ADGRL2: variants seen among roughly 807,000 people sequenced by gnomAD.
ADGRL2 encodes the protein adhesion G protein-coupled receptor L2, also known as calcium-independent alpha-latrotoxin receptor 2.
ADGRL2 carries 44 observed loss-of-function variants against 157.4 expected under a neutral mutation model. The ratio of observed to expected loss-of-function variants is 0.28; its 90% confidence interval spans 0.22 to 0.36. The LOEUF is 0.36. Ranked by LOEUF, ADGRL2 falls within the 10% of genes least tolerant of loss-of-function variation. ADGRL2 has a pLI of 1.00. For missense variants in ADGRL2, 1,510 were observed against 1,768.9 expected, an observed-to-expected ratio of 0.85 and a Z score of 2.63; for synonymous variants, 585 against 624.7, an observed-to-expected ratio of 0.94 and a Z score of 0.95.
At position 81,984,611 on chromosome 1, in the gene ADGRL2, G is replaced by A. The variant is rs756300847; in HGVS notation, c.3311G>A (p.Arg1104Lys). The change falls in exon 20 of 24, where the codon AGA becomes AAA. Residue 1104 changes from arginine to lysine, a missense_variant. By Grantham distance (26) the Arg-to-Lys change is conservative. Around this residue, in one of 4 missense-constraint regions of ADGRL2, gnomAD observed 497 missense variants for 627.2 expected, o/e 0.79. Transcript: ENST00000686636. ...CGAAAAGAATATGGCAAGTGCTTCA[G>A]ACACTCATACTGCTGTGGAGGCCTC... is the stretch of plus-strand genomic sequence containing the variant. ...KVRKEYGKCF[R>K]HSYCCGGLPT... 3 of 1,611,506 alleles carry A rather than the reference G, an allele frequency of 1.9e-6. No homozygotes were observed. In the Admixed American group the frequency reaches 5.0e-5, roughly 27 times the overall value.
chr1:81,346,295 T>C (rs1207510077), intron 1 of ADGRL2, among the ~76,000 whole-genome samples: 1 of 152,192 alleles, frequency 6.6e-6, no homozygotes. Context: ...CTATAATCCT[T>C]TGGGCTACTG....
chr1:81,954,459 T>C (rs1326391889), intron 10 of ADGRL2, among the ~76,000 whole-genome samples: 4 of 152,148 alleles, frequency 2.6e-5, no homozygotes, highest in African/African-American at 9.7e-5. Context: ...TAAAACTCTT[T>C]AAATTACAAA....
intron 2 of ADGRL2, chr1:81,557,546 GAA>G (rs1261867374): frequency 6.7e-6 from 1 of 150,106 alleles, no homozygotes; most frequent in Non-Finnish European, 1.5e-5. Flanking sequence ...AAGAAAGCAA[GAA>G]AAAGAAAGAA....
chr1:81,714,451 C>A (rs1347309623), intron 1 of ADGRL2, among the ~76,000 whole-genome samples: 2 of 152,070 alleles, frequency 1.3e-5, no homozygotes, highest in Non-Finnish European at 2.9e-5. Context: ...TCACCTCAAG[C>A]AATCTTTTAT....
chr1:81,894,926 A>G (rs1366907322), intron 2 of ADGRL2, among the ~76,000 whole-genome samples: 1 of 152,194 alleles, frequency 6.6e-6, no homozygotes, highest in Non-Finnish European at 1.5e-5. Flanking sequence ...AAAAGGTTAC[A>G]TGGCTGATAC....
chr1:81,475,615 T>G (rs1275029145), intron 2 of ADGRL2, among the ~76,000 whole-genome samples: 1 of 152,136 alleles, frequency 6.6e-6, no homozygotes, highest in Non-Finnish European at 1.5e-5. Context: ...ATTTTGTAAA[T>G]GGGTTCATCT....
chr1:81,796,559 G>A (rs2087598086), upstream of ADGRL2, among the ~76,000 whole-genome samples: 1 of 152,118 alleles, frequency 6.6e-6, no homozygotes, highest in South Asian at 2.1e-4. Flanking sequence ...CAATAATTAT[G>A]AAGAATATCG....
intron 1 of ADGRL2, among the ~76,000 whole-genome samples, chr1:81,809,418 T>TA (rs1056136804): frequency 6.6e-6 from 1 of 151,944 alleles, no homozygotes. Flanking sequence ...TTAAATCTGA[T>TA]AAAAAAAGAG....
chr1:81,834,415 C>T (rs1020233140), intron 1 of ADGRL2, among the ~76,000 whole-genome samples: 6 of 152,050 alleles, frequency 3.9e-5, no homozygotes, highest in African/African-American at 1.4e-4. Context: ...TTATCTATGC[C>T]AGTGGTTTGG....
chr1:81,344,032 C>T lies in ADGRL2; in HGVS notation c.-302+37523C>T, dbSNP rs1362370420. ...TGTCAATAATCTGGTTTATGGATTT[C>T]GTAGTAGATTGACATGTGGTCATTA... On this transcript the variant is annotated intron_variant, in intron 1 of 24. Coordinates refer to the ADGRL2 transcript ENST00000370721. Among the ~76,000 whole-genome samples the T allele has an allele frequency of 6.6e-5, 10 of 152,122 alleles. No individual in the cohort carries two copies. In the East Asian group the frequency reaches 1.6e-3, roughly 24 times the overall value.
intron 1 of ADGRL2, among the ~76,000 whole-genome samples, chr1:81,401,550 T>C (rs1240758367): frequency 1.3e-5 from 2 of 152,198 alleles, no homozygotes; most frequent in East Asian, 3.9e-4. Flanking sequence ...TTAGTTATTG[T>C]ATTAAAATAT....
intron 2 of ADGRL2, among the ~76,000 whole-genome samples, chr1:81,860,287 C>G (rs2093349263): frequency 6.6e-6 from 1 of 152,080 alleles, no homozygotes; most frequent in Non-Finnish European, 1.5e-5. Context: ...GACTAAATAA[C>G]AGGTAATTCC....
intron 1 of ADGRL2, among the ~76,000 whole-genome samples, chr1:81,730,795 T>C (rs1367464452): frequency 2.6e-5 from 4 of 152,182 alleles, no homozygotes; most frequent in African/African-American, 9.6e-5. Context: ...AATATACTTG[T>C]TATAAAATTC....
In ADGRL2 at chr1:81,498,983, A is replaced by T. The variant is rs1327585791; in HGVS notation, c.-248+53894A>T. 3.9e-5 allele frequency among the ~76,000 whole-genome samples: 6 copies of T among 152,232 alleles called. No homozygotes were observed. In the East Asian group the frequency reaches 1.2e-3, roughly 29 times the overall value. The stretch of plus-strand genomic sequence containing the variant: ...TTCAGGCAGAGACACGAAGTCTTTT[A>T]GCTTGCCTTGACTTTTTAAACCACT... On this transcript the variant is annotated intron_variant, in intron 2 of 24. Coordinates refer to the ADGRL2 transcript ENST00000370721.
chr1:81,751,244 A>T (rs1024347674), intron 1 of ADGRL2, among the ~76,000 whole-genome samples: 1 of 152,150 alleles, frequency 6.6e-6, no homozygotes, highest in African/African-American at 2.4e-5. Flanking sequence ...TGACATATAT[A>T]AATAAATAAA....
At chr1:81,730,398 A>G (rs1362721993) in intron 1 of ADGRL2, among the ~76,000 whole-genome samples, 1 of 152,126 alleles carries the variant, frequency 6.6e-6, no homozygotes, top group Non-Finnish European at 1.5e-5. Flanking sequence ...TCAAAGAAAT[A>G]AGTGTAAAGC....
intron 2 of ADGRL2, among the ~76,000 whole-genome samples, chr1:81,576,792 G>T (rs1179673613): frequency 6.6e-6 from 1 of 152,090 alleles, no homozygotes; most frequent in Non-Finnish European, 1.5e-5. Flanking sequence ...GTATGTATAT[G>T]TGTATGAATT....
chr1:81,533,626 C>T (rs891236809), intron 2 of ADGRL2, among the ~76,000 whole-genome samples: 1 of 152,178 alleles, frequency 6.6e-6, no homozygotes, highest in Non-Finnish European at 1.5e-5. Flanking sequence ...CCGAGAGCTA[C>T]TCTGAATTCC....
intron 3 of ADGRL2, among the ~76,000 whole-genome samples, chr1:81,629,039 C>G (rs1317605494): frequency 6.6e-6 from 1 of 152,124 alleles, no homozygotes; most frequent in Non-Finnish European, 1.5e-5. Flanking sequence ...TACCTACCAG[C>G]TAGTAGAGTA....
Sources: gnomAD v4.1 joint callset for allele counts (sites outside exome capture counted in the v4.1 genomes callset) on GRCh38, gnomAD v4.1.1 for gene constraint, gnomAD v4.1.1 regional missense constraint, MANE v1.5 for transcripts, NCBI Gene and HGNC (gene_info 2026-07-23, HGNC 2026-07-21) for gene names.